Variants in SLC35F5 observed in about 807,000 individuals in gnomAD.
The protein encoded by SLC35F5 is solute carrier family 35 member F5.
Under a neutral mutation model 68.6 loss-of-function variants are expected in SLC35F5, and 54 were observed. The ratio of observed to expected loss-of-function variants is 0.79; its 90% confidence interval spans 0.63 to 0.99. The LOEUF (loss-of-function observed/expected upper bound fraction) is 0.99, where lower values mean the gene tolerates loss of function less well. Ranked by LOEUF, SLC35F5 falls within the 50% of genes least tolerant of loss-of-function variation. SLC35F5 has a pLI of 0.00. For synonymous variants in SLC35F5, 211 were observed against 205.2 expected, an observed-to-expected ratio of 1.03 and a Z score of -0.24; for missense variants, 567 against 626.9, an observed-to-expected ratio of 0.90 and a Z score of 1.02.
In SLC35F5 at chr2:113,714,698, T is replaced by G. The variant is rs980309963; in HGVS notation, c.*520A>C. 6.6e-6 allele frequency: 1 copy of G among 152,172 alleles called. No individual in the cohort carries two copies. The allele number at this position is 152,172 out of a possible 1,614,324, so 9.4% of individuals were successfully genotyped here. On this transcript the variant is annotated 3_prime_UTR_variant, in exon 16 of 16. Coordinates refer to ENST00000245680, the MANE Select transcript of SLC35F5 (RefSeq NM_025181.5). ...CATGAAATTTGCACAAACATGCTTG[T>G]TGCATAAATTAAACATTTTTTGTGT...
intron 14 of SLC35F5, among the ~76,000 whole-genome samples, chr2:113,718,913 GAAAGAAAGAAAGAA>G (rs756989019): frequency 0.13 from 11,138 of 88,018 alleles, 633 homozygotes; most frequent in Middle Eastern, 0.28. Context: ...AAGAAAGAAA[GAAAGAAAGAAAGAA>G]AAAGAAAGGA....
At chr2:113,716,365 G>T (rs1687183390) in intron 15 of SLC35F5, among the ~76,000 whole-genome samples, 1 of 152,192 alleles carries the variant, frequency 6.6e-6, no homozygotes, top group Non-Finnish European at 1.5e-5. Context: ...TAGTAACAGA[G>T]AATCTCTGGA....
At chr2:113,743,161 T>C (rs1210500752) in intron 6 of SLC35F5, among the ~76,000 whole-genome samples, 1 of 152,232 alleles carries the variant, frequency 6.6e-6, no homozygotes, top group African/African-American at 2.4e-5. Context: ...TAACTGCCTA[T>C]TTCAGGATTT....
intron 15 of SLC35F5, among the ~76,000 whole-genome samples, chr2:113,716,169 A>G (rs1452934880): frequency 1.3e-5 from 2 of 152,230 alleles, no homozygotes; most frequent in African/African-American, 4.8e-5. Flanking sequence ...TTGGTTAGCA[A>G]TGGAAAAACA....
Position 113,725,485 on chromosome 2 carries a change from A to T in SLC35F5, c.1143T>A (p.Leu381=). 5.6e-6 allele frequency: 9 copies of T among 1,604,660 alleles called. No individual in the cohort carries two copies. The South Asian group carries it at 1.0e-4, about 18-fold the overall frequency. Residue 381 remains leucine (L), a synonymous_variant, in exon 12 of 16, where the codon CTT becomes CTA. Coordinates refer to ENST00000245680, the MANE Select transcript of SLC35F5 (RefSeq NM_025181.5). ...LLLLWPGFFL[L]HYTGFEDFEF... The stretch of plus-strand genomic sequence containing the variant: ...CGAAGTCCTCAAATCCAGTATAATG[A>T]AGTAAAAAGAAACCTGGCCATAAGA...
intron 11 of SLC35F5, among the ~76,000 whole-genome samples, chr2:113,727,196 C>T (rs1687696825): frequency 6.6e-6 from 1 of 152,100 alleles, no homozygotes; most frequent in South Asian, 2.1e-4. Flanking sequence ...CCTTGCTTCC[C>T]CTTCACCTTA....
chr2:113,731,533 T>C, intron 10 of SLC35F5, 51 bp downstream of exon 10: 1 of 1,453,632 alleles, frequency 6.9e-7, no homozygotes, highest in Non-Finnish European at 9.7e-7. Flanking sequence ...AGCACGCACA[T>C]GTAACTTTCT....
intron 11 of SLC35F5, among the ~76,000 whole-genome samples, chr2:113,726,053 G>T (rs976085376): frequency 1.3e-5 from 2 of 152,180 alleles, no homozygotes; most frequent in Non-Finnish European, 2.9e-5. Context: ...TAGTGAGAAA[G>T]TATGTACACA....
At chr2:113,704,647 G>A (rs1686762917), downstream of SLC35F5, among the ~76,000 whole-genome samples, 1 of 152,024 alleles carries the variant, frequency 6.6e-6, no homozygotes, top group African/African-American at 2.4e-5. Context: ...CGCTGGCCCG[G>A]GTGCTAAGCC....
chr2:113,744,427 A>G (rs368800656), intron 5 of SLC35F5, among the ~76,000 whole-genome samples: 18 of 152,316 alleles, frequency 1.2e-4, no homozygotes, highest in African/African-American at 3.8e-4. Context: ...AGTTAAACAT[A>G]TATTTCTCAT....
At chr2:113,732,815 T>C (rs1687948644) in intron 9 of SLC35F5, among the ~76,000 whole-genome samples, 1 of 152,138 alleles carries the variant, frequency 6.6e-6, no homozygotes, top group African/African-American at 2.4e-5. Flanking sequence ...ATCCTATTAT[T>C]ATCCCCAATA....
intron 9 of SLC35F5, among the ~76,000 whole-genome samples, chr2:113,734,352 C>A (rs887968052): frequency 2.0e-5 from 3 of 152,190 alleles, no homozygotes; most frequent in African/African-American, 7.2e-5. Context: ...TCTGCAGACA[C>A]ATGAATGGGA....
At position 113,723,126 on chromosome 2, in the gene SLC35F5, A is replaced by G. The variant is rs370710490; in HGVS notation, c.1319T>C (p.Ile440Thr). The G allele has an allele frequency of 3.8e-6, 6 of 1,576,600 alleles. No individual in the cohort carries two copies. The highest frequency in any genetic ancestry group is 1.8e-5 in the Admixed American group (1 of 56,662). The change falls in exon 13 of 16, where the codon ATA (isoleucine) becomes ACA (threonine). Residue 440 changes from isoleucine (I) to threonine (T), a missense_variant. Physicochemically the swap from Ile to Thr is moderately conservative, Grantham distance 89 (BLOSUM62 -1). Transcript: ENST00000245680. ...ALSLTIPLSI[I>T]ADMCMQKVQF... ...TACCTTTTGCATACACATGTCAGCTATTATGGACAGAGGTATTGTAAGGCT... is the reference window on the plus strand; with the variant it reads ...TACCTTTTGCATACACATGTCAGCTGTTATGGACAGAGGTATTGTAAGGCT...
downstream of SLC35F5, among the ~76,000 whole-genome samples, chr2:113,702,737 T>C (rs1173615847): frequency 6.6e-6 from 1 of 152,184 alleles, no homozygotes; most frequent in East Asian, 1.9e-4. Context: ...TTAAAGAACA[T>C]TTAACATACT....
intron 7 of SLC35F5, chr2:113,742,120 A>T (rs1053397147): frequency 6.6e-6 from 1 of 152,282 alleles, no homozygotes; most frequent in African/African-American, 2.4e-5. Context: ...CCAAAATAAC[A>T]ATACTTTATT....
chr2:113,722,388 T>TACACAC, intron 13 of SLC35F5, among the ~76,000 whole-genome samples: 1 of 150,910 alleles, frequency 6.6e-6, no homozygotes, highest in African/African-American at 2.4e-5. Flanking sequence ...CACACATACA[T>TACACAC]ACACACACAC....
At chr2:113,724,538 T>C (rs990790381) in intron 12 of SLC35F5, among the ~76,000 whole-genome samples, 48 of 151,978 alleles carry the variant, frequency 3.2e-4, no homozygotes, top group Admixed American at 2.4e-3. Context: ...ACCAAGAAAA[T>C]AGGTATTTCT....
downstream of SLC35F5, among the ~76,000 whole-genome samples, chr2:113,704,481 G>A (rs1384180385): frequency 1.3e-5 from 2 of 152,194 alleles, no homozygotes; most frequent in Non-Finnish European, 2.9e-5. Flanking sequence ...GGGGCGCTCT[G>A]GCCACACAGG....
At chr2:113,735,602 A>G (rs1431644594) in intron 8 of SLC35F5, among the ~76,000 whole-genome samples, 175 bp downstream of exon 8, 1 of 152,262 alleles carries the variant, frequency 6.6e-6, no homozygotes, top group Non-Finnish European at 1.5e-5. Flanking sequence ...AGACTGAAAC[A>G]TCATATGCAG....
Sources: allele counts gnomAD v4.1 joint callset (sites outside exome capture counted in the v4.1 genomes callset), GRCh38; gene constraint gnomAD v4.1.1; transcripts MANE v1.5; gene names NCBI Gene and HGNC (gene_info 2026-07-23, HGNC 2026-07-21).